TMEM50A: variants seen among roughly 807,000 people sequenced by gnomAD.
TMEM50A encodes the protein cervical cancer oncogene 9.
A neutral mutation model predicts 23.9 loss-of-function variants in TMEM50A; 8 were observed. That is an observed-to-expected ratio of 0.33 (90% CI 0.20 to 0.60). The LOEUF (loss-of-function observed/expected upper bound fraction) is 0.60, where lower values mean the gene tolerates loss of function less well. TMEM50A is among the 20% of genes least tolerant of loss of function. The pLI, the probability that TMEM50A is intolerant of heterozygous loss-of-function variation, is 0.81. For missense variants in TMEM50A, 178 were observed against 192.7 expected (o/e 0.92, Z 0.45); for synonymous variants, 55 against 60.4 (o/e 0.91, Z 0.41).
chr1:25,340,545 G>A lies in TMEM50A; in HGVS notation c.59G>A (p.Arg20His), dbSNP rs1212330559. The change falls in exon 2 of 7, where the codon CGC becomes CAC. Residue 20 changes from arginine (R) to histidine (H), a missense_variant. Transcript: ENST00000374358. The stretch of plus-strand genomic sequence containing the variant: ...GAATGCATTGACTGGGGGGAAAAGC[G>A]CAATACTATTGCTTCCATTGCTGCT... ...CSECIDWGEK[R>H]NTIASIAAGV... 1.9e-6 allele frequency: 3 copies of A among 1,613,448 alleles called. No individual in the cohort carries two copies. Among genetic ancestry groups the A allele is most frequent in the Admixed American group, 3.3e-5 (2 of 59,926 alleles).
At chr1:25,353,549 A>G (rs938397734) in intron 5 of TMEM50A, among the ~76,000 whole-genome samples, 2 of 152,240 alleles carry the variant, frequency 1.3e-5, no homozygotes, top group Non-Finnish European at 2.9e-5. Context: ...CTTTCAGAAT[A>G]TCTGTGCAAA....
rs990340473 is a variant in TMEM50A, at chr1:25,360,986, C to A, written c.*281C>A. On this transcript the variant is annotated 3_prime_UTR_variant, in exon 7 of 7. Transcript: ENST00000374358. ...AATTTGTAAAAATAAAAAGAAATTA[C>A]AAAAGAAATTATGGATTTGTCAATG... is the stretch of plus-strand genomic sequence containing the variant. 2 of 326,764 alleles carry A rather than the reference C, an allele frequency of 6.1e-6. No homozygotes were observed. The highest frequency in any genetic ancestry group is 2.1e-5 in the African/African-American group (1 of 47,208). The allele number at this position is 326,764 out of a possible 1,614,324, so 20.2% of individuals were successfully genotyped here. A position where few individuals can be genotyped will look rare whatever the true frequency, so the allele number is the denominator to read the frequency against.
intron 1 of TMEM50A, 124 bp from the exon 2 acceptor site, chr1:25,340,350 G>A (rs1645154749): frequency 1.6e-6 from 1 of 607,512 alleles, no homozygotes; most frequent in Non-Finnish European, 2.8e-6. Context: ...GAAGTATGTG[G>A]AACCAAAATA....
At chr1:25,340,632 G>A (rs1211401654) in intron 2 of TMEM50A, 53 bp downstream of exon 2, 7 of 1,373,288 alleles carry the variant, frequency 5.1e-6, no homozygotes, top group African/African-American at 2.9e-5. Context: ...TGTGTTTATG[G>A]GTTTTGAATT....
rs1645158314 is a variant in TMEM50A at position 25,340,651 on chromosome 1, T to C, written c.93+72T>C. 4 of 1,129,808 alleles carry C rather than the reference T, an allele frequency of 3.5e-6. No individual in the cohort carries two copies. In the South Asian group the frequency reaches 5.5e-5, roughly 16 times the overall value. 70.0% of individuals were successfully genotyped at this position (1,129,808 alleles called of 1,614,324 possible). ...TTTATGGGTTTTGAATTCTGCAGGA[T>C]GTTTTAAAATATGTACTATTTATTT... is the stretch of plus-strand genomic sequence containing the variant. On this transcript the variant is annotated intron_variant, in intron 2 of 6. Transcript: ENST00000374358.
Position 25,357,634 on chromosome 1 carries a change from G to GTGTGTGTGTT in TMEM50A, c.428+790_428+791insTTGTGTGTGT, listed in dbSNP as rs1553152340. On this transcript the variant is annotated intron_variant, in intron 6 of 6. Transcript: ENST00000374358. The stretch of plus-strand genomic sequence containing the variant: ...AGTGTGTGTGTGTGTGTGTGTGTGT[G>GTGTGTGTGTT]TGTGTGTGTGTGTGTTGTTTTGAGA... Among the ~76,000 whole-genome samples, 1,253 of 150,214 alleles carry GTGTGTGTGTT rather than the reference G, an allele frequency of 8.3e-3. 28 individuals carry two copies. Among genetic ancestry groups the GTGTGTGTGTT allele is most frequent in the African/African-American group, 0.029 (1,161 of 40,402 alleles).
intron 6 of TMEM50A, among the ~76,000 whole-genome samples, chr1:25,359,391 C>T (rs1174441594): frequency 2.0e-5 from 3 of 152,076 alleles, no homozygotes; most frequent in Non-Finnish European, 2.9e-5. Context: ...CAACTGTAGA[C>T]GTTCCCTCAC....
chr1:25,348,191 T>G (rs1056700557), intron 3 of TMEM50A, among the ~76,000 whole-genome samples: 1 of 152,200 alleles, frequency 6.6e-6, no homozygotes, highest in Non-Finnish European at 1.5e-5. Flanking sequence ...ATCTTTTTAT[T>G]ATAGTGTCAG....
rs1645181517 is a variant in TMEM50A, at chr1:25,343,056, A to C, written c.189A>C (p.Ala63=). The part of the protein sequence containing the change: ...NHSYHACGVI[A]TIAFLMINAV... ...CATACCATGCCTGTGGTGTTATAGC[A>C]ACCATAGCCTTCCTAATGTAAGTGT... The change falls in exon 3 of 7, where the codon GCA becomes GCC. Residue 63 remains alanine, a synonymous_variant. Coordinates refer to ENST00000374358, the MANE Select transcript of TMEM50A (RefSeq NM_014313.4). 6.2e-7 allele frequency: 1 copy of C among 1,610,866 alleles called. No individual in the cohort carries two copies. The highest frequency in any genetic ancestry group is 8.5e-7 in the Non-Finnish European group (1 of 1,178,886).
chr1:25,357,966 T>A (rs547326868), intron 6 of TMEM50A, among the ~76,000 whole-genome samples: 1 of 134,514 alleles, frequency 7.4e-6, no homozygotes, highest in African/African-American at 3.0e-5. Context: ...TTTTTTTTTT[T>A]AGAGGGAGTC....
At chr1:25,353,526 T>C (rs1192555760) in intron 5 of TMEM50A, among the ~76,000 whole-genome samples, 1 of 152,248 alleles carries the variant, frequency 6.6e-6, no homozygotes, top group African/African-American at 2.4e-5. Context: ...AAGCCTGGCC[T>C]AACAAGTTCT....
intron 5 of TMEM50A, 108 bp from the exon 6 acceptor site, chr1:25,356,685 T>C: frequency 3.7e-6 from 3 of 819,372 alleles, no homozygotes; most frequent in Non-Finnish European, 5.9e-6. Context: ...CAACCCTAAT[T>C]CTAAGAAAAA....
At position 25,361,186 on chromosome 1, in the gene TMEM50A, T is replaced by C. The variant is rs1645398318; in HGVS notation, c.*481T>C. The C allele has an allele frequency of 1.9e-5, 3 of 156,550 alleles. No individual in the cohort carries two copies. The highest frequency in any genetic ancestry group is 7.2e-5 in the African/African-American group (3 of 41,470). 9.7% of individuals were successfully genotyped at this position (156,550 alleles called of 1,614,324 possible). ...TCCTCACTATAATTGGTATTTACTT[T>C]TACCAAAAATTCTGTGAACATGTAA... On this transcript the variant is annotated 3_prime_UTR_variant, in exon 7 of 7. Coordinates refer to ENST00000374358, the MANE Select transcript of TMEM50A (RefSeq NM_014313.4).
At chr1:25,359,530 T>C in intron 6 of TMEM50A, among the ~76,000 whole-genome samples, 1 of 150,476 alleles carries the variant, frequency 6.6e-6, no homozygotes, top group South Asian at 2.1e-4. Flanking sequence ...AATCACAAAA[T>C]AAATCTCATA....
intron 3 of TMEM50A, among the ~76,000 whole-genome samples, chr1:25,343,494 A>C (rs1012299953): frequency 1.3e-5 from 2 of 152,186 alleles, no homozygotes; most frequent in East Asian, 1.9e-4. Context: ...AGGAGAAAAA[A>C]TAGAGAAAGG....
chr1:25,340,551 C>A lies in TMEM50A; in HGVS notation c.65C>A (p.Thr22Asn). The change falls in exon 2 of 7, where the codon ACT becomes AAT. Residue 22 changes from threonine (T) to asparagine (N), a missense_variant. Coordinates refer to ENST00000374358, the MANE Select transcript of TMEM50A (RefSeq NM_014313.4). ...ECIDWGEKRNTIASIAAGVLF... is the reference protein window; with the variant it reads ...ECIDWGEKRNNIASIAAGVLF... ...ATTGACTGGGGGGAAAAGCGCAATA[C>A]TATTGCTTCCATTGCTGCTGGTGTA... 2 of 1,613,600 alleles carry A rather than the reference C, an allele frequency of 1.2e-6. No individual in the cohort carries two copies. Among genetic ancestry groups the A allele is most frequent in the African/African-American group, 1.3e-5 (1 of 75,032 alleles).
intron 5 of TMEM50A, 135 bp downstream of exon 5, chr1:25,353,109 C>A (rs1336901506): frequency 1.6e-6 from 1 of 642,224 alleles, no homozygotes; most frequent in Non-Finnish European, 2.6e-6. Context: ...CGGGACCCCC[C>A]ACCCTCCACC....
At chr1:25,355,788 C>T (rs1248183177) in intron 5 of TMEM50A, among the ~76,000 whole-genome samples, 1 of 152,132 alleles carries the variant, frequency 6.6e-6, no homozygotes, top group Non-Finnish European at 1.5e-5. Flanking sequence ...AGAATTTCAA[C>T]TTCACTTCTA....
rs1365036491 is a variant in TMEM50A at position 25,343,046 on chromosome 1, G to T, written c.179G>T (p.Gly60Val). Residue 60 changes from glycine (G) to valine (V), a missense_variant, in exon 3 of 7, where the codon GGT becomes GTT. By Grantham distance (109) the Gly-to-Val change is moderately radical. Transcript: ENST00000374358. ...KDFNHSYHAC[G>V]VIATIAFLMI... ...TTCAACCACTCATACCATGCCTGTG[G>T]TGTTATAGCAACCATAGCCTTCCTA... 6.2e-7 allele frequency: 1 copy of T among 1,613,170 alleles called. No homozygotes were observed. Among genetic ancestry groups the T allele is most frequent in the Non-Finnish European group, 8.5e-7 (1 of 1,179,676 alleles).
Sources: allele counts gnomAD v4.1 joint callset (sites outside exome capture counted in the v4.1 genomes callset), GRCh38; gene constraint gnomAD v4.1.1; transcripts MANE v1.5; gene names NCBI Gene and HGNC (gene_info 2026-07-23, HGNC 2026-07-21).